Variants in RARA observed in about 807,000 individuals in gnomAD.
RARA encodes the protein retinoic acid receptor alpha, also known as PML-DDX5-RARA fusion.
In RARA, 5 loss-of-function variants were observed where a neutral mutation model predicts 42.8. The ratio of observed to expected loss-of-function variants is 0.12; its 90% CI spans 0.06 to 0.25. The LOEUF is 0.25. Among genes scored for constraint, RARA ranks in the 10% least tolerant of loss-of-function variants. RARA has a pLI of 1.00. For missense variants in RARA, 402 were observed against 628.7 expected (o/e 0.64, Z 3.86); for synonymous variants, 256 against 259.5 (o/e 0.99, Z 0.13).
chr17:40,340,277 C>A (rs978311455), intron 2 of RARA, among the ~76,000 whole-genome samples: 5 of 152,192 alleles, frequency 3.3e-5, no homozygotes, highest in African/African-American at 1.2e-4. Context: ...ATAATCCATT[C>A]TTCACACAAC....
chr17:40,319,083 C>T (rs993183717), intron 1 of RARA, among the ~76,000 whole-genome samples: 2 of 152,174 alleles, frequency 1.3e-5, no homozygotes, highest in Non-Finnish European at 2.9e-5. Context: ...ACTGACTTGT[C>T]GACTTTGCTC....
chr17:40,331,099 T>TG lies in RARA; in HGVS notation c.-117dup. ...GACAGCAGCTCCAGGACAGGGCGGGTGGGCTGACCACCCAAACCCCATCTG... is the reference window on the plus strand; with the variant it reads ...GACAGCAGCTCCAGGACAGGGCGGGTGGGGCTGACCACCCAAACCCCATCTG... On this transcript the variant is annotated 5_prime_UTR_variant, in exon 2 of 9. Coordinates refer to ENST00000254066, the MANE Select transcript of RARA (RefSeq NM_000964.4). 12 of 1,186,918 alleles carry TG rather than the reference T, an allele frequency of 1.0e-5. No individual in the cohort carries two copies. Among genetic ancestry groups the TG allele is most frequent in the Non-Finnish European group, 1.4e-5 (12 of 858,336 alleles). 73.5% of individuals were successfully genotyped at this position (1,186,918 alleles called of 1,614,324 possible).
In RARA at chr17:40,349,594, G is replaced by A. The variant is rs567458479; in HGVS notation, c.328-190G>A. On this transcript the variant is annotated intron_variant, in intron 3 of 8. Transcript: ENST00000254066. ...ATCCTGCAGTGTTGAGGCAGGTACT[G>A]GGATTCTCCTGAGGAGGATCCTTTT... The A allele has an allele frequency of 1.8e-4, 117 of 647,346 alleles. No individual in the cohort carries two copies. The East Asian group carries it at 3.4e-3, about 19-fold the overall frequency. 40.1% of individuals were successfully genotyped at this position (647,346 alleles called of 1,614,324 possible).
Position 40,331,149 on chromosome 17 carries a change from G to C in RARA, c.-70G>C. On this transcript the variant is annotated 5_prime_UTR_variant, in exon 2 of 9. Transcript: ENST00000254066. Reference sequence around the variant, plus strand: ...GGGCCCAGGCCCCATGCCCCGAGGAGGGGTGGTCTGAAGCCCACCAGAGCC... The same window carrying C: ...GGGCCCAGGCCCCATGCCCCGAGGACGGGTGGTCTGAAGCCCACCAGAGCC... The C allele has an allele frequency of 6.8e-7, 1 of 1,472,708 alleles. No homozygotes were observed. The highest frequency in any genetic ancestry group is 9.1e-7 in the Non-Finnish European group (1 of 1,093,560). 91.2% of individuals were successfully genotyped at this position (1,472,708 alleles called of 1,614,324 possible).
chr17:40,317,065 G>A (rs1446523488), intron 1 of RARA, among the ~76,000 whole-genome samples: 1 of 152,244 alleles, frequency 6.6e-6, no homozygotes, highest in Non-Finnish European at 1.5e-5. Flanking sequence ...CAACCGGTGC[G>A]ACTGTGCACA....
chr17:40,329,158 A>C (rs1329658319), intron 1 of RARA, among the ~76,000 whole-genome samples: 5 of 149,172 alleles, frequency 3.4e-5, no homozygotes, highest in Non-Finnish European at 7.4e-5. Context: ...TTTGAGATGG[A>C]GTCTCACTCT....
rs1491257905 is a variant in RARA, at chr17:40,315,132, G to GTGTGTATA, written c.-363+5847_-363+5848insGTGTATAT. On this transcript the variant is annotated intron_variant, in intron 1 of 8. Coordinates refer to ENST00000254066, the MANE Select transcript of RARA (RefSeq NM_000964.4). Reference sequence around the variant, plus strand: ...TATATATATATATATGCTTATATGTGTATATATATATATATATATATATAT... The same window carrying GTGTGTATA: ...TATATATATATATATGCTTATATGTGTGTGTATATATATATATATATATATATATATAT... Among the ~76,000 whole-genome samples, 46 of 64,166 alleles carry GTGTGTATA rather than the reference G, an allele frequency of 7.2e-4. 1 individual carries two copies. The highest frequency in any genetic ancestry group is 2.7e-3 in the African/African-American group (42 of 15,384). 42.1% of individuals were successfully genotyped at this position (64,166 alleles called of 152,430 possible).
Position 40,349,932 on chromosome 17 carries a change from GC to G in RARA, c.469+9del. 6.2e-7 allele frequency: 1 copy of G among 1,613,796 alleles called. No homozygotes were observed. The highest frequency in any genetic ancestry group is 8.5e-7 in the Non-Finnish European group (1 of 1,179,672). On this transcript the variant is annotated splice_region_variant and intron_variant, in intron 4 of 8. Coordinates refer to ENST00000254066, the MANE Select transcript of RARA (RefSeq NM_000964.4). ...GTGGGCATGTCCAAGGAGTGTGAGT[GC>G]CATAGGGCAGGGGCCGAGTCCCGCC...
chr17:40,356,254 CGCCCTCCGCCCCGGCTTTTCTCT>C lies in RARA; in HGVS notation c.*32_*54del. The C allele has an allele frequency of 6.5e-7, 1 of 1,541,716 alleles. No individual in the cohort carries two copies. The highest frequency in any genetic ancestry group is 8.8e-7 in the Non-Finnish European group (1 of 1,139,832). On this transcript the variant is annotated 3_prime_UTR_variant, in exon 9 of 9. Transcript: ENST00000254066. The stretch of plus-strand genomic sequence containing the variant: ...GCCCACGCCACATGGACACAGCCCT[CGCCCTCCGCCCCGGCTTTTCTCT>C]GCCTTTCTACCGACCATGTGACCCC...
chr17:40,328,860 C>G (rs750304021), intron 1 of RARA, among the ~76,000 whole-genome samples: 2 of 152,106 alleles, frequency 1.3e-5, no homozygotes, highest in Non-Finnish European at 2.9e-5. Context: ...TTAGGAATAA[C>G]GCTGCTGTGA....
Position 40,331,289 on chromosome 17 carries a change from A to T in RARA, c.71A>T (p.Tyr24Phe), listed in dbSNP as rs2033683761. ...CTCAATGGGTACCCGGTGCCTCCCT[A>T]CGCCTTCTTCTTCCCCCCTATGCTG... Reference protein sequence around the residue: ...GHLNGYPVPPYAFFFPPMLGG... With the variant: ...GHLNGYPVPPFAFFFPPMLGG... The change falls in exon 2 of 9, where the codon TAC (tyrosine) becomes TTC (phenylalanine). Residue 24 changes from tyrosine (Y) to phenylalanine (F), a missense_variant. Tyr to Phe is a conservative substitution (Grantham distance 22). Around this residue, in one of 5 missense-constraint regions of RARA, gnomAD observed 91 missense variants for 105.2 expected, o/e 0.87. Transcript: ENST00000254066. The T allele has an allele frequency of 1.2e-6, 2 of 1,613,742 alleles. No homozygotes were observed. The highest frequency in any genetic ancestry group is 3.3e-5 in the Admixed American group (2 of 59,996).
chr17:40,330,652 C>T (rs888639698), intron 1 of RARA, among the ~76,000 whole-genome samples: 1 of 152,168 alleles, frequency 6.6e-6, no homozygotes, highest in Non-Finnish European at 1.5e-5. Flanking sequence ...TCCCTGTCTC[C>T]CCAGCCTGGC....
In RARA at chr17:40,324,781, C is replaced by G. The variant is rs888916468; in HGVS notation, c.-362-6076C>G. On this transcript the variant is annotated intron_variant, in intron 1 of 8. Coordinates refer to ENST00000254066, the MANE Select transcript of RARA (RefSeq NM_000964.4). The stretch of plus-strand genomic sequence containing the variant: ...ACACTAGGCTTCCTCCTTCCCCTAA[C>G]TCCCAAGAGGACATGCTTATGGCCT... Among the ~76,000 whole-genome samples, 13 of 152,190 alleles carry G rather than the reference C, an allele frequency of 8.5e-5. No homozygotes were observed. In the South Asian group the frequency reaches 2.1e-3, roughly 24 times the overall value.
Position 40,355,513 on chromosome 17 carries a change from C to T in RARA, c.1171+92C>T. The T allele has an allele frequency of 6.9e-7, 1 of 1,458,156 alleles. No individual in the cohort carries two copies. Among genetic ancestry groups the T allele is most frequent in the African/African-American group, 1.4e-5 (1 of 70,744 alleles). 90.3% of individuals were successfully genotyped at this position (1,458,156 alleles called of 1,614,324 possible). A position where few individuals can be genotyped will look rare whatever the true frequency, so the allele number is the denominator to read the frequency against. On this transcript the variant is annotated intron_variant, in intron 8 of 8. Transcript: ENST00000254066. This position sits in a 1 kb window ranked among gnomAD's most constrained non-coding sequence, Gnocchi z 4.1. ...AGCACCCCATGTCTTTGTGCCAGGA[C>T]AATACGACACCTGTCCCCATCTGTG...
chr17:40,340,792 C>A (rs1335699534), intron 2 of RARA: 8 of 399,244 alleles, frequency 2.0e-5, no homozygotes. Context: ...CCCAGGGTGT[C>A]CACATAGAAG....
intron 2 of RARA, among the ~76,000 whole-genome samples, chr17:40,332,034 T>C (rs2033707948): frequency 1.3e-5 from 2 of 152,206 alleles, no homozygotes; most frequent in South Asian, 4.1e-4. Context: ...ATGCATGGTC[T>C]TGGCAGGGCC....
chr17:40,336,789 G>A (rs1049354425), intron 2 of RARA, among the ~76,000 whole-genome samples: 16 of 151,860 alleles, frequency 1.1e-4, no homozygotes, highest in South Asian at 2.1e-4. Context: ...TTTGCCTCCC[G>A]GGCTCAAGCG....
intron 1 of RARA, among the ~76,000 whole-genome samples, chr17:40,315,159 T>TACACAC (rs1172471420): frequency 2.8e-4 from 35 of 124,892 alleles, no homozygotes; most frequent in African/African-American, 1.2e-3. Context: ...TATATATATA[T>TACACAC]ATATATATAT....
At chr17:40,350,530 T>C (rs1162266689) in intron 4 of RARA, 2 of 152,480 alleles carry the variant, frequency 1.3e-5, no homozygotes, top group Admixed American at 1.3e-4. Flanking sequence ...GAGACCCTCT[T>C]GTGTTGAATC....
Sources: allele counts gnomAD v4.1 joint callset (sites outside exome capture counted in the v4.1 genomes callset), GRCh38; gene constraint gnomAD v4.1.1; regional missense constraint gnomAD v4.1.1; non-coding constraint Gnocchi (gnomAD v3.1); transcripts MANE v1.5; gene names NCBI Gene and HGNC (gene_info 2026-07-23, HGNC 2026-07-21).